The following EYS variants were observed in gnomAD, a reference collection of about 807,000 sequenced individuals.
The protein encoded by EYS is EGF-like photoreceptor maintenance factor.
Under a neutral mutation model 282.1 loss-of-function variants are expected in EYS, and 250 were observed. The observed-to-expected ratio is 0.89, with a 90% confidence interval of 0.80 to 0.98. The LOEUF (loss-of-function observed/expected upper bound fraction) is 0.98. Ranked by LOEUF, EYS falls within the 50% of genes least tolerant of loss-of-function variation. The probability of loss-of-function intolerance (pLI) is 0.00; values close to 1 mark genes in which losing one functional copy is unlikely to be tolerated. For missense variants in EYS, 4,016 were observed against 3,709.0 expected (o/e 1.08, Z -2.15); for synonymous variants, 1,355 against 1,282.9 (o/e 1.06, Z -1.20).
intron 8 of EYS, among the ~76,000 whole-genome samples, chr6:65,355,400 A>G (rs1764442162): frequency 1.2e-5 from 1 of 83,732 alleles, no homozygotes; most frequent in African/African-American, 4.6e-5. Context: ...CCTCTTCTGG[A>G]CACTGGCCTA....
chr6:64,319,689 AGATG>A (rs10680189), intron 29 of EYS, among the ~76,000 whole-genome samples: 5 of 150,618 alleles, frequency 3.3e-5, no homozygotes, highest in African/African-American at 1.2e-4. Flanking sequence ...AGGCAATCTC[AGATG>A]GATGGATGGA....
chr6:64,556,867 C>T (rs1765249600), intron 26 of EYS, among the ~76,000 whole-genome samples: 1 of 151,832 alleles, frequency 6.6e-6, no homozygotes, highest in African/African-American at 2.4e-5. Flanking sequence ...AAAAGAATCA[C>T]TGTAGTAAAA....
intron 29 of EYS, among the ~76,000 whole-genome samples, chr6:64,310,186 A>T (rs1197107630): frequency 6.6e-6 from 1 of 152,192 alleles, no homozygotes; most frequent in Non-Finnish European, 1.5e-5. Flanking sequence ...AATTCCTCAA[A>T]GCCTTAAAGA....
chr6:65,331,826 T>C, intron 11 of EYS: 1 of 599,380 alleles, frequency 1.7e-6, no homozygotes, highest in Non-Finnish European at 2.1e-6. Context: ...GAAGCACATA[T>C]CAGTAATTCA....
intron 12 of EYS, among the ~76,000 whole-genome samples, chr6:65,067,023 T>G (rs1044709990): frequency 1.3e-5 from 2 of 152,108 alleles, no homozygotes; most frequent in Admixed American, 6.6e-5. Flanking sequence ...AATGGCCTTG[T>G]TAGGAGGAAA....
At chr6:64,805,440 T>A (rs1377684531) in intron 22 of EYS, among the ~76,000 whole-genome samples, 1 of 151,972 alleles carries the variant, frequency 6.6e-6, no homozygotes, top group African/African-American at 2.4e-5. Context: ...ATTGATTTTA[T>A]CTAGAAAATA....
At position 63,721,620 on chromosome 6, in the gene EYS, AC is replaced by A; in HGVS notation, c.8410del (p.Val2804Ter). On this transcript the variant is annotated frameshift_variant, in exon 43 of 43. Transcript: ENST00000503581. LOFTEE classifies it low-confidence loss of function (END_TRUNC). ...EGYLDLDGIN[V>X]TEKASTKMSS... is the part of the protein sequence containing the mutation. ...CATTTTAGTGGAGGCCTTTTCTGTT[AC>A]ATTTATCCCATCTAGATCCAGGTAG... 1 of 1,551,296 alleles carries A rather than the reference AC, an allele frequency of 6.4e-7. No individual in the cohort carries two copies. The highest frequency in any genetic ancestry group is 1.2e-5 in the South Asian group (1 of 84,058).
chr6:64,300,948 C>T (rs115763307), intron 30 of EYS, among the ~76,000 whole-genome samples: 3 of 152,292 alleles, frequency 2.0e-5, no homozygotes, highest in Non-Finnish European at 1.5e-5. Flanking sequence ...AAGCTTTGCT[C>T]TCTAGTAGAA....
At chr6:65,513,839 G>A (rs1478919361) in intron 2 of EYS, among the ~76,000 whole-genome samples, 2 of 152,076 alleles carry the variant, frequency 1.3e-5, no homozygotes, top group Non-Finnish European at 2.9e-5. Context: ...ACATCATACT[G>A]AATGGGCAGA....
At chr6:63,945,735 A>G (rs968145215) in intron 35 of EYS, among the ~76,000 whole-genome samples, 1 of 152,198 alleles carries the variant, frequency 6.6e-6, no homozygotes, top group Non-Finnish European at 1.5e-5. Context: ...CAGTCTGTTT[A>G]CATGCCAGAT....
intron 11 of EYS, among the ~76,000 whole-genome samples, chr6:65,296,846 T>G (rs926646216): frequency 6.6e-6 from 1 of 151,818 alleles, no homozygotes; most frequent in African/African-American, 2.4e-5. Flanking sequence ...TGAAATAGTC[T>G]GCAATTTATG....
intron 29 of EYS, among the ~76,000 whole-genome samples, chr6:64,327,906 G>C (rs1770490566): frequency 1.3e-5 from 2 of 152,162 alleles, no homozygotes; most frequent in Admixed American, 6.5e-5. Context: ...GCAGAGAGGA[G>C]CCAGAGCCCT....
At chr6:64,256,682 G>A (rs1767412182) in intron 30 of EYS, among the ~76,000 whole-genome samples, 1 of 152,096 alleles carries the variant, frequency 6.6e-6, no homozygotes, top group African/African-American at 2.4e-5. Flanking sequence ...ATCTACAGAG[G>A]AGCACACATG....
intron 26 of EYS, among the ~76,000 whole-genome samples, chr6:64,449,533 C>A (rs962699244): frequency 6.6e-6 from 1 of 152,126 alleles, no homozygotes; most frequent in African/African-American, 2.4e-5. Context: ...TCGAGAAGAG[C>A]AACTCCAAGA....
chr6:64,601,070 AC>A (rs1766746523), intron 24 of EYS, among the ~76,000 whole-genome samples: 1 of 151,766 alleles, frequency 6.6e-6, no homozygotes, highest in Non-Finnish European at 1.5e-5. Flanking sequence ...TTTCTCTCTA[AC>A]CTTCTACCTC....
At chr6:65,326,496 G>T (rs1056618069) in intron 11 of EYS, among the ~76,000 whole-genome samples, 1 of 151,256 alleles carries the variant, frequency 6.6e-6, no homozygotes, top group Non-Finnish European at 1.5e-5. Context: ...TAACACCCCA[G>T]AACATATTTT....
At chr6:65,161,622 A>G (rs1272593019) in intron 12 of EYS, among the ~76,000 whole-genome samples, 3 of 151,122 alleles carry the variant, frequency 2.0e-5, no homozygotes, top group African/African-American at 7.3e-5. Flanking sequence ...CTATTACCAA[A>G]TTCTAAATTG....
chr6:64,575,709 A>G (rs1173603506), intron 26 of EYS, among the ~76,000 whole-genome samples: 1 of 152,268 alleles, frequency 6.6e-6, no homozygotes, highest in Non-Finnish European at 1.5e-5. Context: ...AGTCAAAGGT[A>G]TGGTACATAG....
chr6:63,984,405 G>C lies in EYS; in HGVS notation c.7033C>G (p.Arg2345Gly). The C allele has an allele frequency of 6.5e-7, 1 of 1,549,066 alleles. No homozygotes were observed. Among genetic ancestry groups the C allele is most frequent in the Non-Finnish European group, 8.7e-7 (1 of 1,145,116 alleles). ...GACCTGATGCAGGTGCCATTGTTGC[G>C]GCACAGATGATGAGCACACCAAGGG... is the stretch of plus-strand genomic sequence containing the variant. The part of the protein sequence containing the change: ...HVPWCAHHLC[R>G]NNGTCISDNE... The change falls in exon 35 of 43, where the codon CGC becomes GGC. Residue 2345 changes from arginine to glycine, a missense_variant. By Grantham distance (125) the Arg-to-Gly change is moderately radical. Transcript: ENST00000503581.
Sources: allele counts gnomAD v4.1 joint callset (sites outside exome capture counted in the v4.1 genomes callset), GRCh38; gene constraint gnomAD v4.1.1; transcripts MANE v1.5; gene names NCBI Gene and HGNC (gene_info 2026-07-23, HGNC 2026-07-21).